ATXN8OS: variants seen among roughly 807,000 people sequenced by gnomAD.
ATXN8OS encodes ATXN8 opposite strand (non-protein coding).
At chr13:70,132,936 T>A (rs1593764814) in intron 3 of ATXN8OS, among the ~76,000 whole-genome samples, 1 of 152,266 alleles carries the variant, frequency 6.6e-6, no homozygotes, top group East Asian at 1.9e-4. Flanking sequence ...GTCACCTAAG[T>A]GGATTGCATT....
intron 4 of ATXN8OS, among the ~76,000 whole-genome samples, chr13:70,167,723 C>CTT (rs4053603): frequency 0.11 from 6,897 of 61,810 alleles, 1,909 homozygotes; most frequent in East Asian, 0.41. Flanking sequence ...TATGTAACTT[C>CTT]TTTTTTTTTT....
intron 2 of ATXN8OS, among the ~76,000 whole-genome samples, chr13:70,117,174 A>G (rs1327420518): frequency 6.6e-6 from 1 of 152,062 alleles, no homozygotes; most frequent in East Asian, 1.9e-4. Context: ...AAAGTTGCTA[A>G]GACAGCAGAT....
chr13:70,144,324 G>A (rs1038571956), intron 3 of ATXN8OS, among the ~76,000 whole-genome samples: 7 of 151,806 alleles, frequency 4.6e-5, no homozygotes, highest in Non-Finnish European at 8.8e-5. Context: ...CCTGTAATGT[G>A]GCTCTAATTG....
chr13:70,124,804 T>G (rs2137478161), intron 2 of ATXN8OS, among the ~76,000 whole-genome samples: 1 of 152,232 alleles, frequency 6.6e-6, no homozygotes, highest in South Asian at 2.1e-4. Context: ...ACACTAATAG[T>G]CTAGCTTTGA....
chr13:70,107,621 G>A (rs1339261011), upstream of ATXN8OS: 12 of 1,579,806 alleles, frequency 7.6e-6, no homozygotes, highest in Non-Finnish European at 1.0e-5. Context: ...CCGGTGGAAG[G>A]AGACGGGTGG....
chr13:70,136,028 T>G (rs528886454), intron 3 of ATXN8OS, among the ~76,000 whole-genome samples: 1 of 152,150 alleles, frequency 6.6e-6, no homozygotes, highest in African/African-American at 2.4e-5. Flanking sequence ...GAGCAGTGGG[T>G]TTTTAGAGGC....
At chr13:70,131,292 C>T (rs889533580) in intron 3 of ATXN8OS, 1 of 398,340 alleles carries the variant, frequency 2.5e-6, no homozygotes, top group Non-Finnish European at 4.4e-6. Context: ...ATGAACATCT[C>T]TTACCTAAAA....
intron 4 of ATXN8OS, among the ~76,000 whole-genome samples, chr13:70,150,455 T>C (rs970049700): frequency 2.0e-5 from 3 of 152,204 alleles, no homozygotes; most frequent in African/African-American, 7.2e-5. Context: ...ATGTCTATAA[T>C]TGAAGATGTT....
At chr13:70,152,350 T>G (rs1430762310) in intron 4 of ATXN8OS, among the ~76,000 whole-genome samples, 3 of 6,910 alleles carry the variant, frequency 4.3e-4, no homozygotes, top group African/African-American at 6.0e-4. Flanking sequence ...TCTGTACCTG[T>G]GTGTGTGTGT....
chr13:70,135,139 CCTGA>C (rs1188449650), intron 3 of ATXN8OS, among the ~76,000 whole-genome samples: 2 of 152,150 alleles, frequency 1.3e-5, no homozygotes, highest in African/African-American at 4.8e-5. Context: ...CTTTTCTTTG[CCTGA>C]CTTTTTCTTT....
chr13:70,169,390 G>T (rs1406703932), intron 4 of ATXN8OS, among the ~76,000 whole-genome samples: 2 of 151,988 alleles, frequency 1.3e-5, no homozygotes, highest in African/African-American at 4.8e-5. Flanking sequence ...TCCACCTGCT[G>T]GGTTCAAACA....
intron 4 of ATXN8OS, among the ~76,000 whole-genome samples, chr13:70,151,233 C>T (rs770936110): frequency 1.4e-4 from 21 of 152,076 alleles, no homozygotes; most frequent in Non-Finnish European, 3.1e-4. Flanking sequence ...TGTTGAACAG[C>T]AGATCTCCAG....
chr13:70,122,490 T>TAGATAGAGAGA (rs1683792493), intron 2 of ATXN8OS, among the ~76,000 whole-genome samples: 1 of 151,848 alleles, frequency 6.6e-6, no homozygotes, highest in African/African-American at 2.4e-5. Flanking sequence ...TTATCTCCTG[T>TAGATAGAGAGA]CCTTCTTAGA....
At chr13:70,129,828 A>G in exon 3 of ATXN8OS, 2 of 398,524 alleles carry the variant, frequency 5.0e-6, no homozygotes, top group Non-Finnish European at 4.4e-6. Flanking sequence ...AGAAGGATGT[A>G]TGTATAGGAA....
At chr13:70,153,685 G>T (rs528975168) in intron 4 of ATXN8OS, among the ~76,000 whole-genome samples, 1 of 151,934 alleles carries the variant, frequency 6.6e-6, no homozygotes, top group African/African-American at 2.4e-5. Flanking sequence ...TTTCTTTTTT[G>T]TTTGTTTTTC....
At chr13:70,125,857 G>A (rs1446931405) in intron 2 of ATXN8OS, among the ~76,000 whole-genome samples, 1 of 152,058 alleles carries the variant, frequency 6.6e-6, no homozygotes, top group Non-Finnish European at 1.5e-5. Flanking sequence ...ACATATAACC[G>A]AGAATACCTG....
At chr13:70,148,611 AT>A (rs1888821222) in intron 4 of ATXN8OS, among the ~76,000 whole-genome samples, 1 of 152,072 alleles carries the variant, frequency 6.6e-6, no homozygotes, top group African/African-American at 2.4e-5. Context: ...AAGAAAAATT[AT>A]TTTTCTACAT....
intron 4 of ATXN8OS, among the ~76,000 whole-genome samples, chr13:70,151,968 C>T (rs577488186): frequency 1.8e-4 from 28 of 152,232 alleles, no homozygotes; most frequent in African/African-American, 6.0e-4. Flanking sequence ...TTTTCACCTA[C>T]TACACTTAGC....
At chr13:70,150,379 C>A (rs537537846) in intron 4 of ATXN8OS, among the ~76,000 whole-genome samples, 2 of 151,702 alleles carry the variant, frequency 1.3e-5, no homozygotes, top group Admixed American at 6.6e-5. Context: ...ACAAGGGTAA[C>A]AACAATTGCC....
Sources: allele counts gnomAD v4.1 joint callset (sites outside exome capture counted in the v4.1 genomes callset), GRCh38; gene constraint gnomAD v4.1.1; transcripts MANE v1.5; gene names NCBI Gene and HGNC (gene_info 2026-07-23, HGNC 2026-07-21).